Variants in LNPK observed in about 807,000 individuals in gnomAD.
LNPK encodes the protein lunapark, ER junction formation factor, also known as endoplasmic reticulum junction formation protein lunapark.
A neutral mutation model predicts 55.2 loss-of-function variants in LNPK; 29 were observed. That is an observed-to-expected ratio of 0.53 (90% confidence interval 0.39 to 0.72). The LOEUF is 0.72. Among genes scored for constraint, LNPK ranks in the 30% least tolerant of loss-of-function variants. The pLI, the probability that LNPK is intolerant of heterozygous loss-of-function variation, is 0.00. For missense variants in LNPK, 467 were observed against 494.8 expected (o/e 0.94, Z 0.53); for synonymous variants, 162 against 168.2 (o/e 0.96, Z 0.29).
At chr2:175,933,938 G>A (rs528480058) in intron 12 of LNPK, among the ~76,000 whole-genome samples, 223 of 152,194 alleles carry the variant, frequency 1.5e-3, no homozygotes, top group African/African-American at 5.1e-3. Context: ...TCACAATATC[G>A]GCCAGGCTGG....
chr2:175,977,793 A>C (rs1686979456), intron 5 of LNPK, among the ~76,000 whole-genome samples: 1 of 152,234 alleles, frequency 6.6e-6, no homozygotes, highest in African/African-American at 2.4e-5. Flanking sequence ...GTTTTGAACA[A>C]GAAAGAGAAA....
At chr2:175,956,529 A>G (rs998839061) in intron 8 of LNPK, among the ~76,000 whole-genome samples, 4 of 152,190 alleles carry the variant, frequency 2.6e-5, no homozygotes, top group African/African-American at 9.7e-5. Flanking sequence ...AAAGAGCCAC[A>G]TAATAAACAT....
chr2:175,929,137 C>T lies in LNPK; in HGVS notation c.*830G>A. 1 of 983,364 alleles carries T rather than the reference C, an allele frequency of 1.0e-6. No homozygotes were observed. Among genetic ancestry groups the T allele is most frequent in the Non-Finnish European group, 1.2e-6 (1 of 827,718 alleles). The allele number at this position is 983,364 out of a possible 1,614,324, so 60.9% of individuals were successfully genotyped here. The stretch of plus-strand genomic sequence containing the variant: ...AATGAAACTGATGCCAGATTATTTT[C>T]ATTTTCCTTAATAAAATACAAACAA... On this transcript the variant is annotated 3_prime_UTR_variant, in exon 13 of 13. Coordinates refer to ENST00000272748, the MANE Select transcript of LNPK (RefSeq NM_030650.3).
intron 1 of LNPK, among the ~76,000 whole-genome samples, chr2:175,995,993 G>A (rs1687914960): frequency 1.3e-5 from 2 of 150,998 alleles, no homozygotes; most frequent in South Asian, 2.1e-4. Context: ...TTGTATTCTT[G>A]GTAGAGACGG....
chr2:175,955,666 A>C (rs1685657195), intron 8 of LNPK, among the ~76,000 whole-genome samples: 2 of 152,294 alleles, frequency 1.3e-5, no homozygotes, highest in Middle Eastern at 3.4e-3. Context: ...ACACATGCCC[A>C]AAAAACAGCA....
intron 10 of LNPK, 108 bp downstream of exon 10, chr2:175,939,444 G>A: frequency 3.9e-6 from 2 of 511,498 alleles, no homozygotes; most frequent in East Asian, 3.2e-5. Context: ...ACTCCACTAT[G>A]CTCTAAAGTC....
chr2:175,923,910 ATTC>A lies in LNPK; in HGVS notation c.*6054_*6056del, dbSNP rs1328604295. On this transcript the variant is annotated 3_prime_UTR_variant, in exon 13 of 13. Transcript: ENST00000272748. ...GGTTTTCATTCTGTACTCAATTTTTATTCTTGTTTGTATTCTAACAAATGTACT... is the reference window on the plus strand; with the variant it reads ...GGTTTTCATTCTGTACTCAATTTTTATTGTTTGTATTCTAACAAATGTACT... 2.6e-5 allele frequency: 4 copies of A among 152,182 alleles called. No individual in the cohort carries two copies. The highest frequency in any genetic ancestry group is 4.4e-5 in the Non-Finnish European group (3 of 68,012). 9.4% of individuals were successfully genotyped at this position (152,182 alleles called of 1,614,324 possible). A position where few individuals can be genotyped will look rare whatever the true frequency, so the allele number is the denominator to read the frequency against.
chr2:175,973,544 T>C (rs1686755955), intron 5 of LNPK, among the ~76,000 whole-genome samples: 1 of 152,210 alleles, frequency 6.6e-6, no homozygotes, highest in Non-Finnish European at 1.5e-5. Flanking sequence ...CTTTTTCTGT[T>C]ACATATTTTT....
chr2:175,983,198 A>G (rs549484726), intron 4 of LNPK, among the ~76,000 whole-genome samples: 2 of 152,360 alleles, frequency 1.3e-5, no homozygotes, highest in East Asian at 3.9e-4. Flanking sequence ...TTTGGTTCCA[A>G]TAAAAAAAGA....
At chr2:175,934,030 G>C (rs1204079643) in intron 12 of LNPK, among the ~76,000 whole-genome samples, 1 of 152,168 alleles carries the variant, frequency 6.6e-6, no homozygotes, top group Non-Finnish European at 1.5e-5. Flanking sequence ...GCCTGGCCAA[G>C]AGTTTAATTA....
intron 4 of LNPK, among the ~76,000 whole-genome samples, chr2:175,983,390 G>A (rs1574887298): frequency 6.6e-6 from 1 of 152,108 alleles, no homozygotes; most frequent in South Asian, 2.1e-4. Flanking sequence ...TGAATCATAA[G>A]GAAAATTCTA....
At chr2:175,963,942 T>C (rs893943372) in intron 8 of LNPK, among the ~76,000 whole-genome samples, 23 of 152,046 alleles carry the variant, frequency 1.5e-4, no homozygotes, top group African/African-American at 4.3e-4. Flanking sequence ...ATTTTTCTTA[T>C]TTCTAAATTA....
At chr2:175,937,302 A>G (rs1277915525) in intron 12 of LNPK, 42 bp downstream of exon 12, 2 of 1,558,428 alleles carry the variant, frequency 1.3e-6, no homozygotes, top group African/African-American at 2.7e-5. Context: ...CTGTTAAATA[A>G]CACATGTTAT....
At chr2:175,932,111 C>A in intron 12 of LNPK, 2 of 446,956 alleles carry the variant, frequency 4.5e-6, no homozygotes, top group Non-Finnish European at 4.5e-6. Flanking sequence ...TAAGTGAAAA[C>A]AGGCCCACAT....
intron 2 of LNPK, among the ~76,000 whole-genome samples, chr2:175,993,574 G>A (rs1687798025): frequency 6.6e-6 from 1 of 152,152 alleles, no homozygotes; most frequent in East Asian, 1.9e-4. Flanking sequence ...GGGAGGCCAA[G>A]GTGGGCGGAT....
chr2:175,939,724 C>T (rs908203251), intron 9 of LNPK, 67 bp from the exon 10 acceptor site: 3 of 722,804 alleles, frequency 4.2e-6, no homozygotes, highest in Non-Finnish European at 6.9e-6. Flanking sequence ...AATTCCATTA[C>T]CAAGAACTAC....
chr2:175,997,705 C>CTGTGTGTGTGTGTGTGTGTGTG lies in LNPK; in HGVS notation c.-62-2081_-62-2060dup, dbSNP rs35147185. On this transcript the variant is annotated intron_variant, in intron 1 of 12. Transcript: ENST00000272748. ...TTCTAGCGGCCCTAAAACAAATGCTCTGTGTGTGTGTGTGTGTGTGTGTGT... is the reference window on the plus strand; with the variant it reads ...TTCTAGCGGCCCTAAAACAAATGCTCTGTGTGTGTGTGTGTGTGTGTGTGTGTGTGTGTGTGTGTGTGTGTGT... Among the ~76,000 whole-genome samples the CTGTGTGTGTGTGTGTGTGTGTG allele has an allele frequency of 2.4e-4, 34 of 144,128 alleles. 1 individual carries two copies. In the East Asian group the frequency reaches 2.7e-3, roughly 11 times the overall value. The allele number at this position is 144,128 out of a possible 152,430, so 94.6% of individuals were successfully genotyped here. A position where few individuals can be genotyped will look rare whatever the true frequency, so the allele number is the denominator to read the frequency against.
intron 12 of LNPK, among the ~76,000 whole-genome samples, chr2:175,931,414 TTACCA>T (rs961920287): frequency 3.9e-4 from 60 of 152,302 alleles, no homozygotes; most frequent in African/African-American, 1.2e-3. Flanking sequence ...ATCCATGGTT[TTACCA>T]TACAAGTTTA....
At chr2:175,930,311 CACACACAA>C (rs1684214317) in intron 12 of LNPK, 112 bp from the exon 13 acceptor site, 2 of 515,792 alleles carry the variant, frequency 3.9e-6, no homozygotes, top group Non-Finnish European at 6.8e-6. Context: ...CACACACACA[CACACACAA>C]AGAAACCATA....
Sources: gnomAD v4.1 joint callset for allele counts (sites outside exome capture counted in the v4.1 genomes callset) on GRCh38, gnomAD v4.1.1 for gene constraint, MANE v1.5 for transcripts, NCBI Gene and HGNC (gene_info 2026-07-23, HGNC 2026-07-21) for gene names.